LRRC37A2: variants seen among roughly 807,000 people sequenced by gnomAD.
LRRC37A2 encodes the protein leucine-rich repeat-containing protein 37A2.
In LRRC37A2, 9 loss-of-function variants were observed where a neutral mutation model predicts 68.8. That is an observed-to-expected ratio of 0.13 (90% CI 0.08 to 0.23). The LOEUF is 0.23. Ranked by LOEUF, LRRC37A2 falls within the 10% of genes least tolerant of loss-of-function variation. The pLI, the probability that LRRC37A2 is intolerant of heterozygous loss-of-function variation, is 1.00. For missense variants in LRRC37A2, 168 were observed against 950.4 expected (o/e 0.18, Z 10.82); for synonymous variants, 63 against 367.6 (o/e 0.17, Z 9.48).
the LRRC37A2 span, among the ~76,000 whole-genome samples, chr17:46,837,957 G>C: frequency 6.6e-6 from 1 of 152,168 alleles, no homozygotes; most frequent in African/African-American, 2.4e-5. Context: ...GGGCTTCATG[G>C]GTGGGTGGCG....
the LRRC37A2 span, among the ~76,000 whole-genome samples, chr17:46,889,853 C>G: frequency 2.0e-5 from 3 of 152,200 alleles, no homozygotes; most frequent in Non-Finnish European, 4.4e-5. Context: ...CGATGGACCT[C>G]TCTGTGACTT....
the LRRC37A2 span, among the ~76,000 whole-genome samples, chr17:47,000,025 A>AAT: frequency 3.1e-4 from 6 of 19,204 alleles, 1 homozygote; most frequent in Middle Eastern, 0.016. Context: ...AAATAAAATA[A>AAT]AATAAAATAA....
At chr17:46,800,805 C>T in the LRRC37A2 span, among the ~76,000 whole-genome samples, 4 of 152,126 alleles carry the variant, frequency 2.6e-5, no homozygotes, top group Non-Finnish European at 5.9e-5. Context: ...ACAGTCTAGT[C>T]CATGAAATAG....
chr17:46,846,909 G>A, the LRRC37A2 span, among the ~76,000 whole-genome samples: 1 of 152,162 alleles, frequency 6.6e-6, no homozygotes, highest in Non-Finnish European at 1.5e-5. Flanking sequence ...CCCGCAGAAG[G>A]ACAGATGAGT....
the LRRC37A2 span, among the ~76,000 whole-genome samples, chr17:46,863,043 G>A: frequency 4.6e-5 from 7 of 152,200 alleles, no homozygotes; most frequent in Middle Eastern, 3.4e-3. Context: ...CAGGGGCTGA[G>A]GACCATGGCG....
the LRRC37A2 span, among the ~76,000 whole-genome samples, chr17:46,841,719 G>T: frequency 2.0e-5 from 3 of 152,216 alleles, no homozygotes; most frequent in African/African-American, 7.2e-5. Flanking sequence ...GGGAGTGCGG[G>T]GTAGATGAAG....
At chr17:46,539,224 A>G (rs1350693551) in intron 6 of LRRC37A2, among the ~76,000 whole-genome samples, 2 of 82,048 alleles carry the variant, frequency 2.4e-5, no homozygotes, top group Non-Finnish European at 6.2e-5. Flanking sequence ...AAAAAAAAAA[A>G]AAAAAAAAAA....
chr17:46,813,458 T>C, the LRRC37A2 span, among the ~76,000 whole-genome samples: 2 of 141,476 alleles, frequency 1.4e-5, no homozygotes, highest in East Asian at 4.1e-4. Context: ...TCAGGATGGC[T>C]CTAACCTTTG....
the LRRC37A2 span, among the ~76,000 whole-genome samples, chr17:46,877,900 C>T: frequency 6.6e-6 from 1 of 152,214 alleles, no homozygotes. Context: ...AATGGCCTCT[C>T]ACTTGGCCCT....
At chr17:46,875,943 G>A in the LRRC37A2 span, among the ~76,000 whole-genome samples, 13 of 152,256 alleles carry the variant, frequency 8.5e-5, no homozygotes, top group South Asian at 2.5e-3. Context: ...TGTGAACCGG[G>A]GCTGCTGTGT....
chr17:46,896,420 AAG>A, the LRRC37A2 span, among the ~76,000 whole-genome samples: 1 of 93,170 alleles, frequency 1.1e-5, no homozygotes, highest in African/African-American at 9.0e-5. Context: ...GAAAGAAAGA[AAG>A]AAAGAAAGAA....
At chr17:46,842,106 T>A in the LRRC37A2 span, among the ~76,000 whole-genome samples, 1 of 152,218 alleles carries the variant, frequency 6.6e-6, no homozygotes, top group African/African-American at 2.4e-5. Context: ...ACTTGCCTTC[T>A]CACACCGCCC....
the LRRC37A2 span, among the ~76,000 whole-genome samples, chr17:46,499,052 C>G: frequency 6.8e-6 from 1 of 148,100 alleles, no homozygotes; most frequent in Non-Finnish European, 1.5e-5. Flanking sequence ...TGGTGGCTCA[C>G]GCCTGTAATC....
At chr17:47,018,340 C>A in the LRRC37A2 span, 1 of 1,611,420 alleles carries the variant, frequency 6.2e-7, no homozygotes, top group Non-Finnish European at 8.5e-7. Context: ...CAGGAGACCC[C>A]AGGTCAGCCT....
At chr17:46,735,633 C>G in the LRRC37A2 span, among the ~76,000 whole-genome samples, 1 of 152,030 alleles carries the variant, frequency 6.6e-6, no homozygotes, top group Admixed American at 6.6e-5. Context: ...TGTAGTGAAG[C>G]CCTTTGTAAA....
the LRRC37A2 span, among the ~76,000 whole-genome samples, chr17:46,779,451 C>A: frequency 6.6e-6 from 1 of 152,162 alleles, no homozygotes; most frequent in Non-Finnish European, 1.5e-5. Flanking sequence ...TCCCTAGGAC[C>A]CTGCCACCCT....
chr17:46,787,103 A>G, the LRRC37A2 span, among the ~76,000 whole-genome samples: 1 of 151,980 alleles, frequency 6.6e-6, no homozygotes, highest in African/African-American at 2.4e-5. Flanking sequence ...ATGCTCTGCT[A>G]AGTTTTTAAA....
chr17:47,026,368 G>A, the LRRC37A2 span, among the ~76,000 whole-genome samples: 1 of 152,210 alleles, frequency 6.6e-6, no homozygotes, highest in Non-Finnish European at 1.5e-5. Context: ...CCAACATGGG[G>A]AACCATGTTA....
At chr17:46,708,910 C>G in the LRRC37A2 span, among the ~76,000 whole-genome samples, 1 of 147,604 alleles carries the variant, frequency 6.8e-6, no homozygotes. Flanking sequence ...CTGCAACCTC[C>G]GCCTCCTGGG....
Sources: gnomAD v4.1 joint callset for allele counts (sites outside exome capture counted in the v4.1 genomes callset) on GRCh38, gnomAD v4.1.1 for gene constraint, MANE v1.5 for transcripts, NCBI Gene and HGNC (gene_info 2026-07-23, HGNC 2026-07-21) for gene names.